Variants in EML6 observed in about 807,000 individuals in gnomAD.
EML6 encodes the protein echinoderm microtubule-associated protein-like 6.
Under a neutral mutation model 240.1 loss-of-function variants are expected in EML6, and 154 were observed. The ratio of observed to expected loss-of-function variants is 0.64; its 90% CI spans 0.56 to 0.73. EML6 has a LOEUF of 0.73. EML6 is among the 30% of genes least tolerant of loss of function. The pLI is 0.00. For missense variants in EML6, 2,964 were observed against 2,474.6 expected (o/e 1.20, Z -4.20); for synonymous variants, 1,148 against 899.0 (o/e 1.28, Z -4.95).
At chr2:54,731,011 G>C (rs1224793806) in intron 2 of EML6, among the ~76,000 whole-genome samples, 1 of 152,162 alleles carries the variant, frequency 6.6e-6, no homozygotes, top group Non-Finnish European at 1.5e-5. Context: ...GGGTTGAATG[G>C]GGGTATGGAA....
At chr2:54,886,160 C>CTTTTTTTTTTTTTTTTTTTTT (rs869107962) in intron 17 of EML6, among the ~76,000 whole-genome samples, 5 of 82,216 alleles carry the variant, frequency 6.1e-5, no homozygotes, top group Non-Finnish European at 7.2e-5. Context: ...TTTTAACCTT[C>CTTTTTTTTTTTTTTTTTTTTT]TTTTTTTTTT....
Position 54,903,099 on chromosome 2 carries a change from C to A in EML6, c.3180C>A (p.Asn1060Lys), listed in dbSNP as rs371971106. 3 of 1,551,618 alleles carry A rather than the reference C, an allele frequency of 1.9e-6. No individual in the cohort carries two copies. The highest frequency in any genetic ancestry group is 1.4e-5 in the African/African-American group (1 of 73,058). The change falls in exon 23 of 42, where the codon AAC becomes AAA. Residue 1060 changes from asparagine (N) to lysine (K), a missense_variant. Coordinates refer to ENST00000356458, the MANE Select transcript of EML6 (RefSeq NM_001039753.4). ...PDGKALAVGL[N>K]DGSFLVVNAD... is the part of the protein sequence containing the mutation. ...GGAAAGCCTTAGCGGTTGGCTTGAA[C>A]GATGGGAGTTTCCTGGTGGTAAATG...
intron 9 of EML6, among the ~76,000 whole-genome samples, chr2:54,848,919 G>C (rs969069255): frequency 1.3e-5 from 2 of 152,170 alleles, no homozygotes; most frequent in East Asian, 3.9e-4. Context: ...CTGCTTTTTT[G>C]ACTTGCTCTT....
intron 2 of EML6, among the ~76,000 whole-genome samples, chr2:54,801,256 A>G (rs1192792841): frequency 6.7e-6 from 1 of 148,938 alleles, no homozygotes; most frequent in Non-Finnish European, 1.5e-5. Context: ...TGGAGCTTGC[A>G]GTGAGCCGAG....
intron 18 of EML6, among the ~76,000 whole-genome samples, chr2:54,891,439 G>A (rs759795703): frequency 1.3e-5 from 2 of 152,114 alleles, no homozygotes; most frequent in Non-Finnish European, 1.5e-5. Flanking sequence ...AATTATGTTA[G>A]ACTACTGCAC....
intron 30 of EML6, among the ~76,000 whole-genome samples, 153 bp from the exon 31 acceptor site, chr2:54,952,441 A>G (rs547505215): frequency 1.3e-5 from 2 of 152,278 alleles, no homozygotes; most frequent in South Asian, 4.1e-4. Flanking sequence ...ACGACCCTTC[A>G]TCTCCCCAAG....
chr2:54,769,894 C>T (rs989751753), intron 2 of EML6, among the ~76,000 whole-genome samples: 2 of 152,168 alleles, frequency 1.3e-5, no homozygotes, highest in African/African-American at 4.8e-5. Context: ...TCCCAGTTTT[C>T]TCCTCCTCTC....
intron 17 of EML6, chr2:54,879,937 G>A (rs1471747182): frequency 3.8e-6 from 1 of 265,662 alleles, no homozygotes; most frequent in African/African-American, 2.2e-5. Context: ...TAGAAAAGCA[G>A]CTTTTCTCAG....
At chr2:54,749,935 T>C (rs1684084568) in intron 2 of EML6, among the ~76,000 whole-genome samples, 1 of 152,198 alleles carries the variant, frequency 6.6e-6, no homozygotes. Context: ...ATTTGAGGCT[T>C]TCAGAGAGGT....
In EML6 at chr2:54,928,525, C is replaced by T. The variant is rs369842754; in HGVS notation, c.3877+11C>T. ...TGGAAGAGGATGGAGGTGAGCCCCC[C>T]ACCTGCCACATGCCTCCTGCGCCGA... On this transcript the variant is annotated intron_variant, in intron 27 of 41. Coordinates refer to ENST00000356458, the MANE Select transcript of EML6 (RefSeq NM_001039753.4). The T allele has an allele frequency of 1.3e-6, 2 of 1,544,486 alleles. 1 individual carries two copies. The highest frequency in any genetic ancestry group is 2.4e-5 in the South Asian group (2 of 83,380).
In EML6 at chr2:54,858,671, G is replaced by A. The variant is rs541194179; in HGVS notation, c.1658-863G>A. ...GCCCCTGATATAATGAGGCTTATCTGGTCAGAGCATGCTCTCAAAAAATGT... is the reference window on the plus strand; with the variant it reads ...GCCCCTGATATAATGAGGCTTATCTAGTCAGAGCATGCTCTCAAAAAATGT... On this transcript the variant is annotated intron_variant, in intron 11 of 41. Transcript: ENST00000356458. Among the ~76,000 whole-genome samples the A allele has an allele frequency of 5.9e-5, 9 of 152,260 alleles. No homozygotes were observed. In the South Asian group the frequency reaches 1.9e-3, roughly 32 times the overall value.
intron 14 of EML6, chr2:54,867,304 T>C (rs1671023690): frequency 6.5e-6 from 1 of 154,342 alleles, no homozygotes; most frequent in East Asian, 1.9e-4. Context: ...TTTTGAATTT[T>C]GTAAAATTAT....
chr2:54,882,942 G>C (rs1177905032), intron 17 of EML6: 1 of 149,520 alleles, frequency 6.7e-6, no homozygotes, highest in Non-Finnish European at 1.5e-5. Context: ...AAGCACTTCT[G>C]TATTAGCTTC....
At chr2:54,921,416 T>G (rs1674244791) in intron 26 of EML6, among the ~76,000 whole-genome samples, 1 of 152,036 alleles carries the variant, frequency 6.6e-6, no homozygotes, top group African/African-American at 2.4e-5. Context: ...ACTCATGAAA[T>G]AAATCGAAGA....
intron 24 of EML6, among the ~76,000 whole-genome samples, chr2:54,910,142 T>C (rs1039856035): frequency 1.3e-5 from 2 of 152,212 alleles, no homozygotes; most frequent in Non-Finnish European, 2.9e-5. Flanking sequence ...CATGTGTTAA[T>C]AGCTGTTGAG....
chr2:54,789,261 C>A (rs1386845925), intron 2 of EML6, among the ~76,000 whole-genome samples: 3 of 151,952 alleles, frequency 2.0e-5, no homozygotes, highest in African/African-American at 7.2e-5. Context: ...CGCTTGTAAT[C>A]CCAGCACTTT....
chr2:54,869,490 T>C (rs755997868), intron 15 of EML6, 123 bp downstream of exon 15: 11 of 751,288 alleles, frequency 1.5e-5, no homozygotes, highest in Non-Finnish European at 2.4e-5. Context: ...AGGTGAAGAT[T>C]GAATGATCAT....
intron 38 of EML6, 134 bp downstream of exon 38, chr2:54,964,867 T>G (rs1676680089): frequency 1.4e-6 from 1 of 718,376 alleles, no homozygotes; most frequent in Admixed American, 3.4e-5. Flanking sequence ...CCTTAAGTAG[T>G]TACTTTTTCC....
At chr2:54,848,377 C>T (rs1414991166) in intron 9 of EML6, among the ~76,000 whole-genome samples, 1 of 152,150 alleles carries the variant, frequency 6.6e-6, no homozygotes, top group East Asian at 1.9e-4. Flanking sequence ...GGTCTTAGCA[C>T]AGTTTATTAC....
Sources: allele counts gnomAD v4.1 joint callset (sites outside exome capture counted in the v4.1 genomes callset), GRCh38; gene constraint gnomAD v4.1.1; transcripts MANE v1.5; gene names NCBI Gene and HGNC (gene_info 2026-07-23, HGNC 2026-07-21).